UBE4B: variants seen among roughly 807,000 people sequenced by gnomAD.
UBE4B encodes ubiquitin conjugation factor E4 B.
In UBE4B, 27 loss-of-function variants were observed where a neutral mutation model predicts 148.1. The observed-to-expected ratio is 0.18, with a 90% confidence interval of 0.13 to 0.25. The LOEUF is 0.25. Ranked by LOEUF, UBE4B falls within the 10% of genes least tolerant of loss-of-function variation. UBE4B has a pLI of 1.00. For synonymous variants in UBE4B, 596 were observed against 619.3 expected, an observed-to-expected ratio of 0.96 and a Z score of 0.56; for missense variants, 1,170 against 1,662.4, an observed-to-expected ratio of 0.70 and a Z score of 5.15.
At chr1:10,114,270 A>G (rs1182238815) in intron 7 of UBE4B, among the ~76,000 whole-genome samples, 2 of 152,146 alleles carry the variant, frequency 1.3e-5, no homozygotes, top group Non-Finnish European at 2.9e-5. Flanking sequence ...TGTTTTAGCA[A>G]AGTTCATCCT....
At chr1:10,170,112 TG>T (rs1200266307) in intron 24 of UBE4B, among the ~76,000 whole-genome samples, 3 of 152,232 alleles carry the variant, frequency 2.0e-5, no homozygotes, top group Admixed American at 6.5e-5. Context: ...GTGCCTGCTG[TG>T]ATGTTTTCAT....
intron 9 of UBE4B, 90 bp downstream of exon 9, chr1:10,119,703 CT>C: frequency 9.0e-7 from 1 of 1,105,224 alleles, no homozygotes; most frequent in Non-Finnish European, 1.4e-6. Context: ...CTTGCACCAC[CT>C]TAGATAACTC....
At chr1:10,066,923 G>C (rs1334563344) in intron 1 of UBE4B, among the ~76,000 whole-genome samples, 1 of 151,882 alleles carries the variant, frequency 6.6e-6, no homozygotes, top group Non-Finnish European at 1.5e-5. Context: ...AACCAAAACA[G>C]AACTAGGAGT....
intron 17 of UBE4B, among the ~76,000 whole-genome samples, chr1:10,143,411 A>G (rs1015047491): frequency 2.6e-5 from 4 of 151,724 alleles, no homozygotes; most frequent in Admixed American, 6.6e-5. Context: ...AAAAAAAAAG[A>G]CAACAACAAG....
chr1:10,179,328 A>C, intron 26 of UBE4B, 88 bp from the exon 27 acceptor site: 1 of 1,533,518 alleles, frequency 6.5e-7, no homozygotes, highest in Non-Finnish European at 8.8e-7. Flanking sequence ...TCCTTTGGAT[A>C]GATTTTTCGC....
intron 23 of UBE4B, among the ~76,000 whole-genome samples, chr1:10,162,367 G>A (rs998756504): frequency 7.9e-5 from 12 of 152,056 alleles, no homozygotes; most frequent in Admixed American, 7.2e-4. Context: ...TAGAGATGGG[G>A]TTTCACCGTG....
At chr1:10,124,618 T>C (rs973539653) in intron 10 of UBE4B, among the ~76,000 whole-genome samples, 1 of 152,348 alleles carries the variant, frequency 6.6e-6, no homozygotes, top group East Asian at 1.9e-4. Context: ...ATGGAGCTGT[T>C]GGACTGCAAA....
At chr1:10,073,703 C>T (rs1255508884) in intron 2 of UBE4B, among the ~76,000 whole-genome samples, 1 of 151,926 alleles carries the variant, frequency 6.6e-6, no homozygotes, top group Non-Finnish European at 1.5e-5. Context: ...CTGGTGATGG[C>T]GTGAGATTCT....
intron 1 of UBE4B, among the ~76,000 whole-genome samples, chr1:10,049,892 CAAAA>C (rs776583824): frequency 4.7e-5 from 4 of 85,142 alleles, no homozygotes; most frequent in African/African-American, 8.3e-5. Flanking sequence ...GACCCTGTCT[CAAAA>C]AAAAAAAAAA....
rs78936176 is a variant in UBE4B at position 10,051,179 on chromosome 1, A to T, written c.24+17485A>T. Among the ~76,000 whole-genome samples, 1,206 of 152,156 alleles carry T rather than the reference A, an allele frequency of 7.9e-3. 18 individuals carry two copies. The highest frequency in any genetic ancestry group is 0.027 in the African/African-American group (1,127 of 41,502). ...GCCACTGTTCCTGGCTCTTACCTGG[A>T]TTTTATTTGGAGCAACAAATTGGAT... On this transcript the variant is annotated intron_variant, in intron 1 of 27. Transcript: ENST00000343090.
In UBE4B at chr1:10,094,981, G is replaced by GT. The variant is rs1224628559; in HGVS notation, c.212-478dup. On this transcript the variant is annotated intron_variant, in intron 2 of 27. Transcript: ENST00000343090. ...TTTAATAGACATGAGGTTTCACCATGTTGGCCAGGCTAATCTTGAACTCCA... is the reference window on the plus strand; with the variant it reads ...TTTAATAGACATGAGGTTTCACCATGTTTGGCCAGGCTAATCTTGAACTCCA... 2.0e-5 allele frequency among the ~76,000 whole-genome samples: 3 copies of GT among 152,100 alleles called. No homozygotes were observed. In the East Asian group the frequency reaches 5.8e-4, roughly 29 times the overall value.
chr1:10,106,262 C>A lies in UBE4B; in HGVS notation c.875C>A (p.Ser292Tyr). The A allele has an allele frequency of 6.2e-7, 1 of 1,614,140 alleles. No individual in the cohort carries two copies. The highest frequency in any genetic ancestry group is 8.5e-7 in the Non-Finnish European group (1 of 1,179,972). Residue 292 changes from serine (S) to tyrosine (Y), a missense_variant, in exon 7 of 28, where the codon TCT becomes TAT. By Grantham distance (144) the Ser-to-Tyr change is moderately radical. Coordinates refer to ENST00000343090, the MANE Select transcript of UBE4B (RefSeq NM_001105562.3). The surrounding 1 kb of genome is among the most constrained non-coding windows in gnomAD (Gnocchi z 4.2). ...AGCTCTGTTCCCGTGATGGGCCCGT[C>A]TCTTGCCTCACCTTCCCGTGCAGCC... ...FWSSVPVMGP[S>Y]LASPSRAASQ...
chr1:10,070,578 A>G (rs1179435708), intron 1 of UBE4B, among the ~76,000 whole-genome samples: 1 of 152,076 alleles, frequency 6.6e-6, no homozygotes, highest in Admixed American at 6.6e-5. Flanking sequence ...CTTATTTTCA[A>G]ATTTTATAGA....
intron 25 of UBE4B, among the ~76,000 whole-genome samples, chr1:10,172,144 G>A (rs1414527617): frequency 3.3e-5 from 5 of 151,936 alleles, no homozygotes; most frequent in Non-Finnish European, 5.9e-5. Flanking sequence ...CCTTTATTCC[G>A]TGGGTCTCCT....
chr1:10,062,313 T>C (rs1338344677), intron 1 of UBE4B, among the ~76,000 whole-genome samples: 1 of 151,992 alleles, frequency 6.6e-6, no homozygotes, highest in Non-Finnish European at 1.5e-5. Flanking sequence ...GATGTGTGTT[T>C]TTTTGTTTGT....
chr1:10,165,423 C>T (rs1646231668), intron 23 of UBE4B, among the ~76,000 whole-genome samples: 1 of 152,156 alleles, frequency 6.6e-6, no homozygotes, highest in South Asian at 2.1e-4. Flanking sequence ...TGGTCTTCAA[C>T]CTCCACTCTT....
chr1:10,079,743 G>T (rs1214472551), intron 2 of UBE4B, among the ~76,000 whole-genome samples: 1 of 152,186 alleles, frequency 6.6e-6, no homozygotes, highest in Non-Finnish European at 1.5e-5. Flanking sequence ...CTCTGGGCTA[G>T]TTCTGGGGTC....
intron 1 of UBE4B, among the ~76,000 whole-genome samples, chr1:10,053,436 A>G (rs1303055653): frequency 6.7e-6 from 1 of 149,252 alleles, no homozygotes; most frequent in African/African-American, 2.5e-5. Flanking sequence ...GGCGTGAGCC[A>G]CTGCGCCTGG....
intron 2 of UBE4B, among the ~76,000 whole-genome samples, chr1:10,093,805 C>T (rs571331768): frequency 5.9e-5 from 9 of 151,950 alleles, no homozygotes; most frequent in Non-Finnish European, 1.2e-4. Flanking sequence ...TGCGATTCTC[C>T]TGCCTGAACC....
Sources: allele counts gnomAD v4.1 joint callset (sites outside exome capture counted in the v4.1 genomes callset), GRCh38; gene constraint gnomAD v4.1.1; non-coding constraint Gnocchi (gnomAD v3.1); transcripts MANE v1.5; gene names NCBI Gene and HGNC (gene_info 2026-07-23, HGNC 2026-07-21).